The following NCAPD3 variants were observed in gnomAD, a reference collection of about 807,000 sequenced individuals.
NCAPD3 encodes condensin-2 complex subunit D3.
NCAPD3 carries 105 observed loss-of-function variants against 182.9 expected under a neutral mutation model. That is an observed-to-expected ratio of 0.57 (90% CI 0.49 to 0.68). The LOEUF (loss-of-function observed/expected upper bound fraction) is 0.68, where lower values mean the gene tolerates loss of function less well. Among genes scored for constraint, NCAPD3 ranks in the 30% least tolerant of loss-of-function variants. The pLI, the probability that NCAPD3 is intolerant of heterozygous loss-of-function variation, is 0.00. For missense variants in NCAPD3, 1,944 were observed against 1,837.0 expected, an observed-to-expected ratio of 1.06 and a Z score of -1.07; for synonymous variants, 815 against 679.9, an observed-to-expected ratio of 1.20 and a Z score of -3.09.
At chr11:134,165,702 G>A (rs1391700347) in intron 27 of NCAPD3, among the ~76,000 whole-genome samples, 2 of 145,430 alleles carry the variant, frequency 1.4e-5, no homozygotes, top group East Asian at 2.1e-4. Flanking sequence ...GAGCTTGGGG[G>A]AGGCGCACAC....
At chr11:134,195,348 C>T (rs1339997592) in intron 13 of NCAPD3, among the ~76,000 whole-genome samples, 1 of 152,150 alleles carries the variant, frequency 6.6e-6, no homozygotes, top group Admixed American at 6.5e-5. Flanking sequence ...ATCCTCCCAA[C>T]TCAGCCTCCC....
Position 134,159,979 on chromosome 11 carries a change from C to G in NCAPD3, c.3780G>C (p.Gln1260His), listed in dbSNP as rs145217895. 258 of 1,614,156 alleles carry G rather than the reference C, an allele frequency of 1.6e-4. No individual in the cohort carries two copies. Among genetic ancestry groups the G allele is most frequent in the Non-Finnish European group, 2.1e-4 (245 of 1,180,036 alleles). ...SELEYDMKKYQEQLVQEQELA... is the reference protein window; with the variant it reads ...SELEYDMKKYHEQLVQEQELA... ...GCTCCTGCTCCTGGACCAGCTGTTC[C>G]TGGTACTTCTTCATGTCATACTCAA... Residue 1260 changes from glutamine to histidine, a missense_variant, in exon 29 of 35, where the codon CAG becomes CAC. By Grantham distance (24) the Gln-to-His change is conservative (BLOSUM62 0). This residue lies in a region of NCAPD3 where 1,803 missense variants were observed against 1,674.6 expected (regional missense o/e 1.08). Coordinates refer to ENST00000534548, the MANE Select transcript of NCAPD3 (RefSeq NM_015261.3).
At chr11:134,208,381 G>C (rs1937697210) in intron 7 of NCAPD3, among the ~76,000 whole-genome samples, 1 of 152,204 alleles carries the variant, frequency 6.6e-6, no homozygotes, top group Non-Finnish European at 1.5e-5. Flanking sequence ...CTGACCACGG[G>C]TGACAACCTA....
intron 2 of NCAPD3, among the ~76,000 whole-genome samples, chr11:134,218,895 C>G (rs1481686692): frequency 6.6e-6 from 1 of 152,194 alleles, no homozygotes; most frequent in Non-Finnish European, 1.5e-5. Flanking sequence ...TCAAGAACGT[C>G]TGCTTAAAAC....
chr11:134,203,158 TA>T lies in NCAPD3; in HGVS notation c.1508del (p.Leu503TyrfsTer2). ...ATCCATTACCTGATGAATTTCTCAGTAAGGTACCAGGGTGACTCTCTATTAC... is the reference window on the plus strand; with the variant it reads ...ATCCATTACCTGATGAATTTCTCAGTAGGTACCAGGGTGACTCTCTATTAC... ...FSVIESHPGT[L>X]LRNSSAFSYQ... On this transcript the variant is annotated frameshift_variant, in exon 12 of 35. Transcript: ENST00000534548. LOFTEE classifies it high-confidence loss of function. 1.3e-6 allele frequency: 2 copies of T among 1,595,168 alleles called. No individual in the cohort carries two copies. The highest frequency in any genetic ancestry group is 1.7e-6 in the Non-Finnish European group (2 of 1,163,284).
chr11:134,208,819 C>T (rs1281591576), intron 7 of NCAPD3, 45 bp downstream of exon 7: 10 of 1,293,450 alleles, frequency 7.7e-6, no homozygotes, highest in Non-Finnish European at 1.1e-5. Context: ...GGTTCATGTG[C>T]CTTCGATTCA....
chr11:134,208,702 T>C (rs148655109), intron 7 of NCAPD3, among the ~76,000 whole-genome samples, 162 bp downstream of exon 7: 78 of 152,220 alleles, frequency 5.1e-4, no homozygotes, highest in African/African-American at 1.7e-3. Flanking sequence ...AGAGAGCAAA[T>C]AGAAATAGTG....
chr11:134,164,801 G>A (rs142193056), intron 27 of NCAPD3, among the ~76,000 whole-genome samples: 1,860 of 148,978 alleles, frequency 0.012, 11 homozygotes, highest in Middle Eastern at 0.037. Context: ...TGAACTTAGG[G>A]GAACTTCACA....
rs772258852 is a variant in NCAPD3 at position 134,153,125 on chromosome 11, C to T, written c.4388+15G>A. ...ACAGAAACATCCACCTCAAAAGGAA[C>T]ACTGCTAAACTTACGGTTTATCAGG... On this transcript the variant is annotated intron_variant, in intron 34 of 34. Coordinates refer to ENST00000534548, the MANE Select transcript of NCAPD3 (RefSeq NM_015261.3). The T allele has an allele frequency of 1.9e-6, 3 of 1,613,750 alleles. No individual in the cohort carries two copies. The highest frequency in any genetic ancestry group is 2.2e-5 in the East Asian group (1 of 44,882).
intron 32 of NCAPD3, among the ~76,000 whole-genome samples, chr11:134,154,959 TCCCTTCCTGACACACACACTG>T (rs750677228): frequency 2.0e-5 from 3 of 152,176 alleles, no homozygotes; most frequent in Non-Finnish European, 2.9e-5. Flanking sequence ...CACATGAAAT[TCCCTTCCTGACACACACACTG>T]CTCTTCCTGT....
chr11:134,153,545 T>G, intron 32 of NCAPD3, 182 bp from the exon 33 acceptor site: 1 of 647,384 alleles, frequency 1.5e-6, no homozygotes, highest in East Asian at 2.7e-5. Flanking sequence ...GGATGCTCCT[T>G]TCCGTCTCTC....
chr11:134,187,446 C>T (rs1944433423), intron 16 of NCAPD3, among the ~76,000 whole-genome samples: 1 of 152,228 alleles, frequency 6.6e-6, no homozygotes, highest in Admixed American at 6.5e-5. Flanking sequence ...ATCTCCAGCA[C>T]TCCCTCTGTC....
intron 16 of NCAPD3, among the ~76,000 whole-genome samples, chr11:134,187,397 T>C (rs1944432373): frequency 6.6e-6 from 1 of 152,202 alleles, no homozygotes; most frequent in Non-Finnish European, 1.5e-5. Context: ...AGCTCCCAAC[T>C]GAGGTGTGAC....
At chr11:134,205,146 A>C (rs1370792362) in intron 8 of NCAPD3, among the ~76,000 whole-genome samples, 175 bp from the exon 9 acceptor site, 1 of 152,238 alleles carries the variant, frequency 6.6e-6, no homozygotes, top group Non-Finnish European at 1.5e-5. Flanking sequence ...AAAACTGTGA[A>C]GTAGTTCCCG....
At chr11:134,165,933 G>A (rs566083814) in intron 27 of NCAPD3, among the ~76,000 whole-genome samples, 3 of 113,736 alleles carry the variant, frequency 2.6e-5, no homozygotes, top group Non-Finnish European at 5.4e-5. Context: ...TGGGGGAGCA[G>A]CACACTCACT....
intron 16 of NCAPD3, among the ~76,000 whole-genome samples, chr11:134,188,330 C>T (rs1317683897): frequency 6.6e-6 from 1 of 152,184 alleles, no homozygotes; most frequent in Non-Finnish European, 1.5e-5. Flanking sequence ...GTAAATGCAC[C>T]AATCAGCACT....
chr11:134,204,099 C>T lies in NCAPD3; in HGVS notation c.1162G>A (p.Gly388Arg), dbSNP rs557601610. Residue 388 changes from glycine to arginine, a missense_variant, in exon 10 of 35, where the codon GGG becomes AGG. By Grantham distance (125) the Gly-to-Arg change is moderately radical (BLOSUM62 -2). This residue lies in a region of NCAPD3 where 1,803 missense variants were observed against 1,674.6 expected (regional missense o/e 1.08). Coordinates refer to ENST00000534548, the MANE Select transcript of NCAPD3 (RefSeq NM_015261.3). The surrounding 1 kb of genome is among the most constrained non-coding windows in gnomAD (Gnocchi z 4.3). ...LVQLLSKLPC[G>R]EYAMFIAWLY... ...CAGGCAATGAACATAGCGTATTCCCCACAAGGAAGTTTACTGAGCAGCTGG... is the reference window on the plus strand; with the variant it reads ...CAGGCAATGAACATAGCGTATTCCCTACAAGGAAGTTTACTGAGCAGCTGG... The T allele has an allele frequency of 3.1e-6, 5 of 1,614,084 alleles. No homozygotes were observed. In the South Asian group the frequency reaches 5.5e-5, roughly 18 times the overall value.
chr11:134,158,727 T>C (rs1943499671), intron 29 of NCAPD3, among the ~76,000 whole-genome samples: 1 of 152,206 alleles, frequency 6.6e-6, no homozygotes, highest in South Asian at 2.1e-4. Flanking sequence ...AGTAAATTGT[T>C]AAACTGTAAT....
intron 13 of NCAPD3, among the ~76,000 whole-genome samples, chr11:134,200,618 G>A (rs1243782097): frequency 1.3e-5 from 2 of 152,124 alleles, no homozygotes; most frequent in African/African-American, 4.8e-5. Flanking sequence ...ATTATCATAC[G>A]TTGCTAGCAG....
Sources: allele counts gnomAD v4.1 joint callset (sites outside exome capture counted in the v4.1 genomes callset), GRCh38; gene constraint gnomAD v4.1.1; regional missense constraint gnomAD v4.1.1; non-coding constraint Gnocchi (gnomAD v3.1); transcripts MANE v1.5; gene names NCBI Gene and HGNC (gene_info 2026-07-23, HGNC 2026-07-21).